Variants in ANKS1B observed in about 807,000 individuals in gnomAD.
The protein encoded by ANKS1B is ankyrin repeat and sterile alpha motif domain-containing protein 1B.
Under a neutral mutation model 148.3 loss-of-function variants are expected in ANKS1B, and 36 were observed. The ratio of observed to expected loss-of-function variants is 0.24; its 90% CI spans 0.19 to 0.32. ANKS1B has a LOEUF of 0.32. ANKS1B is among the 10% of genes least tolerant of loss of function. The pLI, the probability that ANKS1B is intolerant of heterozygous loss-of-function variation, is 1.00. For missense variants in ANKS1B, 1,157 were observed against 1,542.6 expected, an observed-to-expected ratio of 0.75 and a Z score of 4.19; for synonymous variants, 542 against 560.8, an observed-to-expected ratio of 0.97 and a Z score of 0.47.
At chr12:99,637,202 C>T (rs1201449274) in intron 9 of ANKS1B, among the ~76,000 whole-genome samples, 1 of 152,184 alleles carries the variant, frequency 6.6e-6, no homozygotes, top group Admixed American at 6.5e-5. Context: ...GTCCCAGCTA[C>T]TCAGGAGGCT....
At chr12:98,813,861 A>G (rs909294628) in intron 19 of ANKS1B, among the ~76,000 whole-genome samples, 3 of 146,676 alleles carry the variant, frequency 2.0e-5, no homozygotes, top group African/African-American at 5.1e-5. Flanking sequence ...GGCCAAATTA[A>G]ACTATTTTGT....
At chr12:99,092,089 A>C (rs1321200200) in intron 15 of ANKS1B, among the ~76,000 whole-genome samples, 1 of 152,120 alleles carries the variant, frequency 6.6e-6, no homozygotes, top group African/African-American at 2.4e-5. Context: ...GCTTTGCTCC[A>C]GTCCTTTCTG....
intron 9 of ANKS1B, among the ~76,000 whole-genome samples, chr12:99,572,153 T>C (rs115247413): frequency 0.014 from 2,140 of 152,180 alleles, 45 homozygotes; most frequent in African/African-American, 0.047. Flanking sequence ...CTCTGTAAGA[T>C]GGAGGTCCCT....
At chr12:99,033,452 T>A (rs1201695086) in intron 17 of ANKS1B, among the ~76,000 whole-genome samples, 1 of 152,168 alleles carries the variant, frequency 6.6e-6, no homozygotes, top group Admixed American at 6.5e-5. Flanking sequence ...TATAGAGACC[T>A]TCTCTGCTGG....
intron 10 of ANKS1B, among the ~76,000 whole-genome samples, chr12:99,488,513 T>C (rs1401838545): frequency 6.6e-6 from 1 of 152,230 alleles, no homozygotes; most frequent in Admixed American, 6.5e-5. Context: ...TAAAAATTAT[T>C]AAGTACCTTT....
intron 9 of ANKS1B, among the ~76,000 whole-genome samples, chr12:99,552,003 T>C (rs1247749016): frequency 6.6e-6 from 1 of 152,176 alleles, no homozygotes; most frequent in East Asian, 1.9e-4. Flanking sequence ...TCCTAGCATG[T>C]GCCAAGCTTG....
chr12:99,186,067 C>T (rs564317132), intron 14 of ANKS1B, among the ~76,000 whole-genome samples: 10 of 152,250 alleles, frequency 6.6e-5, no homozygotes, highest in South Asian at 2.1e-4. Context: ...AAGGGGCGTC[C>T]GCTATGACTG....
intron 17 of ANKS1B, among the ~76,000 whole-genome samples, chr12:98,836,367 C>T (rs1189034757): frequency 6.6e-6 from 1 of 152,098 alleles, no homozygotes; most frequent in African/African-American, 2.4e-5. Context: ...CACATATAGA[C>T]CAAGGACAGG....
At chr12:99,467,788 G>A (rs914579162) in intron 10 of ANKS1B, among the ~76,000 whole-genome samples, 1,817 of 152,322 alleles carry the variant, frequency 0.012, 15 homozygotes, top group Admixed American at 0.016. Flanking sequence ...TGAAATAAAA[G>A]AGGATACAAA....
chr12:99,271,924 T>C (rs1057196859), intron 12 of ANKS1B, among the ~76,000 whole-genome samples: 9 of 151,930 alleles, frequency 5.9e-5, no homozygotes, highest in South Asian at 2.1e-4. Flanking sequence ...AAATCAAAGG[T>C]GCATGTGGGA....
At chr12:98,746,910 A>G (rs2097908020) in intron 26 of ANKS1B, among the ~76,000 whole-genome samples, 1 of 152,204 alleles carries the variant, frequency 6.6e-6, no homozygotes. Context: ...ATATACAGAA[A>G]TCAACTCAAA....
intron 14 of ANKS1B, among the ~76,000 whole-genome samples, chr12:99,217,397 C>G (rs2084383079): frequency 6.6e-6 from 1 of 151,952 alleles, no homozygotes; most frequent in South Asian, 2.1e-4. Context: ...TGCCCTAAAG[C>G]TAAGCCCCAA....
intron 9 of ANKS1B, among the ~76,000 whole-genome samples, chr12:99,623,504 A>C (rs1440083956): frequency 6.6e-6 from 1 of 152,014 alleles, no homozygotes; most frequent in Non-Finnish European, 1.5e-5. Context: ...AGAATACCCT[A>C]AAGACTCTGC....
intron 13 of ANKS1B, among the ~76,000 whole-genome samples, chr12:99,245,083 G>C (rs1415597052): frequency 1.3e-5 from 2 of 152,120 alleles, no homozygotes; most frequent in Non-Finnish European, 2.9e-5. Flanking sequence ...CTGAACTCCT[G>C]GCCTCAAGTG....
chr12:98,869,836 G>A (rs1439142281), intron 17 of ANKS1B, among the ~76,000 whole-genome samples: 1 of 152,024 alleles, frequency 6.6e-6, no homozygotes, highest in Non-Finnish European at 1.5e-5. Context: ...CTGAAAACAT[G>A]AAAAACAAAC....
At chr12:98,945,736 C>T (rs1327075230) in intron 17 of ANKS1B, among the ~76,000 whole-genome samples, 1 of 152,140 alleles carries the variant, frequency 6.6e-6, no homozygotes, top group Non-Finnish European at 1.5e-5. Flanking sequence ...TGGTGTGAGA[C>T]TGCCACACTC....
chr12:99,959,975 A>G (rs1044894895), intron 1 of ANKS1B, among the ~76,000 whole-genome samples: 2 of 152,210 alleles, frequency 1.3e-5, no homozygotes, highest in African/African-American at 2.4e-5. Flanking sequence ...GAGAGACTAG[A>G]TAAGCAGGGA....
intron 1 of ANKS1B, among the ~76,000 whole-genome samples, chr12:99,831,230 CAAAAAA>C (rs546884271): frequency 2.4e-5 from 2 of 83,888 alleles, no homozygotes; most frequent in Non-Finnish European, 5.4e-5. Flanking sequence ...TCAAAGAAAG[CAAAAAA>C]AAAAAAAACC....
chr12:99,748,404 T>TTGA (rs2060801919), intron 8 of ANKS1B, among the ~76,000 whole-genome samples: 2 of 148,498 alleles, frequency 1.3e-5, no homozygotes, highest in African/African-American at 2.5e-5. Context: ...GCTTGAGAAC[T>TTGA]ATCTGAAGAG....
Sources: gnomAD v4.1 joint callset for allele counts (sites outside exome capture counted in the v4.1 genomes callset) on GRCh38, gnomAD v4.1.1 for gene constraint, MANE v1.5 for transcripts, NCBI Gene and HGNC (gene_info 2026-07-23, HGNC 2026-07-21) for gene names.